Variants in PCNT observed in about 807,000 individuals in gnomAD.
PCNT encodes the protein pericentrin.
A neutral mutation model predicts 380.4 loss-of-function variants in PCNT; 319 were observed. That is an observed-to-expected ratio of 0.84 (90% CI 0.77 to 0.92). The LOEUF is 0.92. Among genes scored for constraint, PCNT ranks in the 40% least tolerant of loss-of-function variants. The pLI, the probability that PCNT is intolerant of heterozygous loss-of-function variation, is 0.00. For synonymous variants in PCNT, 1,845 were observed against 1,735.2 expected (o/e 1.06, Z -1.57); for missense variants, 4,400 against 4,255.3 (o/e 1.03, Z -0.95).
At chr21:46,329,786 A>G (rs2083499026) in intron 2 of PCNT, among the ~76,000 whole-genome samples, 1 of 152,244 alleles carries the variant, frequency 6.6e-6, no homozygotes, top group Non-Finnish European at 1.5e-5. Context: ...TAGTAACTTA[A>G]CTGTTTAAAG....
rs928358915 is a variant in PCNT at position 46,443,877 on chromosome 21, C to T, written c.9768C>T (p.Pro3256=). The T allele has an allele frequency of 5.6e-6, 9 of 1,613,206 alleles. No individual in the cohort carries two copies. Among genetic ancestry groups the T allele is most frequent in the Non-Finnish European group, 7.6e-6 (9 of 1,179,986 alleles). Residue 3256 remains proline (P), a synonymous_variant, in exon 45 of 47, where the codon CCC becomes CCT. Transcript: ENST00000359568. ...AGTCCCCCCCAACCCGGGATGTACCCTCTGGCCACACCAGGGACCCTGCCA... is the reference window on the plus strand; with the variant it reads ...AGTCCCCCCCAACCCGGGATGTACCTTCTGGCCACACCAGGGACCCTGCCA... ...TRESPPTRDV[P]SGHTRDPARG...
At chr21:46,397,816 T>G (rs1488469413) in intron 22 of PCNT, among the ~76,000 whole-genome samples, 198 bp from the exon 23 acceptor site, 1 of 152,222 alleles carries the variant, frequency 6.6e-6, no homozygotes, top group Non-Finnish European at 1.5e-5. Context: ...TCTCAGACGT[T>G]CCTCTGTGTT....
At chr21:46,324,572 T>TG (rs908717619) in intron 1 of PCNT, among the ~76,000 whole-genome samples, 12 of 118,990 alleles carry the variant, frequency 1.0e-4, no homozygotes, top group Non-Finnish European at 1.7e-4. Context: ...TCGGGGGGGG[T>TG]GGGGCGCGGG....
intron 16 of PCNT, among the ~76,000 whole-genome samples, chr21:46,384,750 G>A (rs560099261): frequency 4.9e-5 from 7 of 141,440 alleles, no homozygotes; most frequent in African/African-American, 1.0e-4. Context: ...GTTGAGCGGC[G>A]GAAGCGCATT....
In PCNT at chr21:46,355,436, C is replaced by T. The variant is rs756780396; in HGVS notation, c.1762-16C>T. On this transcript the variant is annotated splice_polypyrimidine_tract_variant and intron_variant, in intron 11 of 46. Coordinates refer to ENST00000359568, the MANE Select transcript of PCNT (RefSeq NM_006031.6). Reference sequence around the variant, plus strand: ...TTGGCTCACTAACGTGCTTGTCCCACGTGGTTTCTCTGTAGGAGAGCCTGC... The same window carrying T: ...TTGGCTCACTAACGTGCTTGTCCCATGTGGTTTCTCTGTAGGAGAGCCTGC... 18 of 1,612,920 alleles carry T rather than the reference C, an allele frequency of 1.1e-5. No homozygotes were observed. The highest frequency in any genetic ancestry group is 9.3e-5 in the African/African-American group (7 of 74,930).
At chr21:46,418,677 C>A (rs1458740136) in intron 31 of PCNT, among the ~76,000 whole-genome samples, 6 of 152,268 alleles carry the variant, frequency 3.9e-5, no homozygotes, top group African/African-American at 1.4e-4. Context: ...AGGATGGAGA[C>A]TGGGGCGGTG....
intron 32 of PCNT, among the ~76,000 whole-genome samples, chr21:46,424,136 C>T (rs1262064970): frequency 1.3e-5 from 2 of 152,176 alleles, no homozygotes; most frequent in Non-Finnish European, 2.9e-5. Context: ...CAGCCACAGA[C>T]GCCAAGAGTG....
At chr21:46,393,311 A>G (rs113555431) in intron 21 of PCNT, among the ~76,000 whole-genome samples, 17 of 152,248 alleles carry the variant, frequency 1.1e-4, no homozygotes, top group Middle Eastern at 3.4e-3. Context: ...GCATCTCCTC[A>G]GGATTTTTCA....
At chr21:46,387,457 C>T (rs1226752887) in intron 17 of PCNT, among the ~76,000 whole-genome samples, 1 of 151,926 alleles carries the variant, frequency 6.6e-6, no homozygotes, top group African/African-American at 2.4e-5. Flanking sequence ...CGGGGTAGTC[C>T]CAGGCTCTAA....
intron 15 of PCNT, among the ~76,000 whole-genome samples, chr21:46,369,517 A>C (rs1395742001): frequency 6.6e-6 from 1 of 152,274 alleles, no homozygotes; most frequent in African/African-American, 2.4e-5. Context: ...TTTTGATCAT[A>C]GGCAAACAGA....
chr21:46,330,347 G>T (rs2146298153), intron 2 of PCNT, among the ~76,000 whole-genome samples: 1 of 152,216 alleles, frequency 6.6e-6, no homozygotes, highest in East Asian at 1.9e-4. Context: ...TCAAACTCCT[G>T]TGCTCAAGTA....
rs1393839965 is a variant in PCNT at position 46,445,345 on chromosome 21, T to C, written c.*18T>C. 3 of 1,582,702 alleles carry C rather than the reference T, an allele frequency of 1.9e-6. No homozygotes were observed. Among genetic ancestry groups the C allele is most frequent in the East Asian group, 2.2e-5 (1 of 44,766 alleles). On this transcript the variant is annotated 3_prime_UTR_variant, in exon 47 of 47. Transcript: ENST00000359568. ...AACAGTGAATAAAATGTCATGGCTC[T>C]TTCCTGCGACAATTCTATTTGAGGA...
At chr21:46,429,550 C>G (rs2087663422) in intron 35 of PCNT, among the ~76,000 whole-genome samples, 1 of 152,160 alleles carries the variant, frequency 6.6e-6, no homozygotes, top group African/African-American at 2.4e-5. Context: ...TCTGTTGTGC[C>G]TTTTTGGTCT....
intron 31 of PCNT, among the ~76,000 whole-genome samples, chr21:46,419,897 C>T (rs981228866): frequency 2.0e-5 from 3 of 152,196 alleles, no homozygotes; most frequent in African/African-American, 2.4e-5. Flanking sequence ...TGAGCCACTG[C>T]GCCTGGCCAG....
Position 46,388,827 on chromosome 21 carries a change from G to C in PCNT, c.3550G>C (p.Gly1184Arg), listed in dbSNP as rs752738005. Residue 1184 changes from glycine (G) to arginine (R), a missense_variant, in exon 18 of 47, where the codon GGG becomes CGG. Physicochemically the swap from Gly to Arg is moderately radical, Grantham distance 125. Transcript: ENST00000359568. The surrounding 1 kb of genome is among the most constrained non-coding windows in gnomAD (Gnocchi z 4.2). The part of the protein sequence containing the change: ...RAAVTLRSRI[G>R]ERVGLCLDDA... ...AGCCGTCACCCTGAGGAGCCGGATC[G>C]GGGAGCGCGTGGGGCTCTGCCTGGA... is the stretch of plus-strand genomic sequence containing the variant. 2.5e-6 allele frequency: 4 copies of C among 1,612,582 alleles called. No individual in the cohort carries two copies. The South Asian group carries it at 3.3e-5, about 13-fold the overall frequency.
intron 31 of PCNT, among the ~76,000 whole-genome samples, chr21:46,419,704 C>G (rs1018971784): frequency 6.6e-6 from 1 of 152,238 alleles, no homozygotes; most frequent in Admixed American, 6.5e-5. Flanking sequence ...TCCCCAACAA[C>G]TCTCAGGGGC....
At chr21:46,331,312 G>C (rs1429282293) in intron 2 of PCNT, among the ~76,000 whole-genome samples, 1 of 152,086 alleles carries the variant, frequency 6.6e-6, no homozygotes, top group Non-Finnish European at 1.5e-5. Context: ...ATAAGCCGCT[G>C]TGCCCAGCTG....
At chr21:46,377,277 C>T (rs1456778582) in intron 15 of PCNT, among the ~76,000 whole-genome samples, 1 of 152,222 alleles carries the variant, frequency 6.6e-6, no homozygotes, top group African/African-American at 2.4e-5. Flanking sequence ...GGCAATCCAC[C>T]CCAGATGTTC....
Position 46,366,749 on chromosome 21 carries a change from C to T in PCNT, c.2775C>T (p.Ala925=), listed in dbSNP as rs139300832. ...CGGAGCTCGAGGCCAGACACCAGGC[C>T]GCGTTGGGCGAGCTGACAGCCTCCT... The part of the protein sequence containing the change: ...VTAELEARHQ[A]ALGELTASLE... The change falls in exon 15 of 47, where the codon GCC becomes GCT. Residue 925 remains alanine (A), a synonymous_variant. Transcript: ENST00000359568. 38 of 1,613,448 alleles carry T rather than the reference C, an allele frequency of 2.4e-5. No individual in the cohort carries two copies. The highest frequency in any genetic ancestry group is 3.0e-5 in the Non-Finnish European group (35 of 1,180,050).
Sources: allele counts gnomAD v4.1 joint callset (sites outside exome capture counted in the v4.1 genomes callset), GRCh38; gene constraint gnomAD v4.1.1; non-coding constraint Gnocchi (gnomAD v3.1); transcripts MANE v1.5; gene names NCBI Gene and HGNC (gene_info 2026-07-23, HGNC 2026-07-21).